The following HTR2A variants were observed in gnomAD, a reference collection of about 807,000 sequenced individuals.
HTR2A encodes 5-HT2 receptor.
Under a neutral mutation model 31.0 loss-of-function variants are expected in HTR2A, and 14 were observed. The observed-to-expected ratio is 0.45, with a 90% confidence interval of 0.30 to 0.71. HTR2A has a LOEUF of 0.71. Ranked by LOEUF, HTR2A falls within the 30% of genes least tolerant of loss-of-function variation. HTR2A has a pLI of 0.09. For missense variants in HTR2A, 442 were observed against 573.3 expected (o/e 0.77, Z 2.34); for synonymous variants, 209 against 225.2 (o/e 0.93, Z 0.64).
intron 3 of HTR2A, among the ~76,000 whole-genome samples, chr13:46,844,902 T>C (rs190330427): frequency 6.6e-6 from 1 of 152,342 alleles, no homozygotes; most frequent in East Asian, 1.9e-4. Context: ...TGAATCATTT[T>C]GTAAAGTTTT....
intron 3 of HTR2A, among the ~76,000 whole-genome samples, chr13:46,844,100 A>G (rs946355564): frequency 2.5e-4 from 38 of 152,186 alleles, no homozygotes; most frequent in Middle Eastern, 3.2e-3. Context: ...CACACTTTCA[A>G]TATCTTAGAA....
chr13:46,861,299 T>C (rs1428897967), intron 3 of HTR2A, among the ~76,000 whole-genome samples: 1 of 152,222 alleles, frequency 6.6e-6, no homozygotes, highest in Non-Finnish European at 1.5e-5. Flanking sequence ...TTACTTTTTT[T>C]TTCCTAAAAA....
At chr13:46,872,198 T>C (rs1177214422) in intron 3 of HTR2A, among the ~76,000 whole-genome samples, 1 of 152,166 alleles carries the variant, frequency 6.6e-6, no homozygotes, top group Non-Finnish European at 1.5e-5. Context: ...GAAATCAGAA[T>C]TGGTTATCAA....
chr13:46,852,100 TGGTTTCTAGAAGCTGGAGG>T (rs1950689141), intron 3 of HTR2A: 1 of 152,172 alleles, frequency 6.6e-6, no homozygotes, highest in Non-Finnish European at 1.5e-5. Flanking sequence ...GGAGTGTAGG[TGGTTTCTAGAAGCTGGAGG>T]GGCCAGTGAC....
intron 3 of HTR2A, among the ~76,000 whole-genome samples, chr13:46,859,683 A>G (rs965378754): frequency 1.3e-5 from 2 of 152,118 alleles, no homozygotes; most frequent in African/African-American, 2.4e-5. Flanking sequence ...CCCTTCTGCC[A>G]TGATTGAAAG....
At chr13:46,877,808 C>G (rs1414671613) in intron 3 of HTR2A, among the ~76,000 whole-genome samples, 1 of 151,914 alleles carries the variant, frequency 6.6e-6, no homozygotes, top group African/African-American at 2.4e-5. Flanking sequence ...GTGAAGGCTT[C>G]CTGGAAGAGG....
intron 3 of HTR2A, among the ~76,000 whole-genome samples, chr13:46,855,516 G>T (rs150849658): frequency 6.8e-6 from 1 of 146,522 alleles, no homozygotes; most frequent in Non-Finnish European, 1.5e-5. Context: ...GCTCTCAACT[G>T]GGGGGGTACA....
Position 46,895,813 on chromosome 13 carries a change from AG to A in HTR2A, c.93del (p.Phe32LeufsTer49). 6.2e-7 allele frequency: 1 copy of A among 1,614,178 alleles called. No homozygotes were observed. Among genetic ancestry groups the A allele is most frequent in the Non-Finnish European group, 8.5e-7 (1 of 1,180,020 alleles). On this transcript the variant is annotated frameshift_variant, in exon 2 of 4. Transcript: ENST00000542664. LOFTEE classifies it high-confidence loss of function. This position sits in a 1 kb window ranked among gnomAD's most constrained non-coding sequence, Gnocchi z 4.4. The part of the protein sequence containing the change: ...LNDDTRLYSN[D>X]FNSGEANTSD... The stretch of plus-strand genomic sequence containing the variant: ...GAAGTGTTAGCTTCTCCGGAGTTAA[AG>A]TCATTACTGTAGAGCCTGGTGTCAT...
chr13:46,887,279 C>T (rs369645262), intron 3 of HTR2A, among the ~76,000 whole-genome samples: 22 of 151,838 alleles, frequency 1.4e-4, no homozygotes, highest in African/African-American at 4.6e-4. Flanking sequence ...AAAATTTAGC[C>T]GGGTGTGGTG....
At chr13:46,880,206 TGAA>T (rs1007623989) in intron 3 of HTR2A, among the ~76,000 whole-genome samples, 2 of 152,110 alleles carry the variant, frequency 1.3e-5, no homozygotes, top group Non-Finnish European at 2.9e-5. Context: ...GTTAGGCCAA[TGAA>T]GGAGTAGGAT....
At chr13:46,870,319 T>C (rs1950854978) in intron 3 of HTR2A, among the ~76,000 whole-genome samples, 1 of 152,110 alleles carries the variant, frequency 6.6e-6, no homozygotes, top group Non-Finnish European at 1.5e-5. Context: ...TGGTCAAGAC[T>C]AGAAACAGAA....
At chr13:46,896,528 G>T (rs1302123224) in intron 1 of HTR2A, 146 bp downstream of exon 1, 5 of 707,654 alleles carry the variant, frequency 7.1e-6, no homozygotes, top group Non-Finnish European at 1.1e-5. Context: ...GCTAATAAAA[G>T]GAAAACAAAA....
At chr13:46,896,565 A>G (rs991748756) in intron 1 of HTR2A, 109 bp downstream of exon 1, 1 of 877,310 alleles carries the variant, frequency 1.1e-6, no homozygotes. Flanking sequence ...TTAGCAGACA[A>G]CTTTCCTCCC....
At chr13:46,843,029 C>T (rs536522549) in intron 3 of HTR2A, among the ~76,000 whole-genome samples, 51 of 152,202 alleles carry the variant, frequency 3.4e-4, no homozygotes, top group African/African-American at 1.2e-3. Flanking sequence ...CTACTCCACC[C>T]CACCTGGGAT....
intron 2 of HTR2A, among the ~76,000 whole-genome samples, chr13:46,893,491 G>A (rs2070040): frequency 0.37 from 56,489 of 152,102 alleles, 11,775 homozygotes; most frequent in Admixed American, 0.45. Context: ...ATCAGTATCA[G>A]CTGGAGAGCT....
In HTR2A at chr13:46,896,927, C is replaced by T. The variant is rs1263701359; in HGVS notation, c.-582G>A. 4 of 981,896 alleles carry T rather than the reference C, an allele frequency of 4.1e-6. No individual in the cohort carries two copies. The highest frequency in any genetic ancestry group is 6.0e-6 in the Non-Finnish European group (4 of 664,202). 60.8% of individuals were successfully genotyped at this position (981,896 alleles called of 1,614,324 possible). ...TCCTCCCTCCCTGTGCGGCTCGCCT[C>T]AGCAGGCACACATTTAGAAATCATT... On this transcript the variant is annotated 5_prime_UTR_variant, in exon 1 of 4. An upstream open reading frame in the 5' UTR loses its in-frame stop. Coordinates refer to ENST00000542664, the MANE Select transcript of HTR2A (RefSeq NM_000621.5).
At chr13:46,868,764 T>C (rs1005116971) in intron 3 of HTR2A, among the ~76,000 whole-genome samples, 6 of 152,182 alleles carry the variant, frequency 3.9e-5, no homozygotes, top group Non-Finnish European at 7.4e-5. Context: ...CTATATTCTA[T>C]ATTCACCAGC....
At chr13:46,842,436 T>A (rs1407428087) in intron 3 of HTR2A, among the ~76,000 whole-genome samples, 2 of 152,176 alleles carry the variant, frequency 1.3e-5, no homozygotes, top group African/African-American at 4.8e-5. Flanking sequence ...GAGACTCTGG[T>A]CTAGAAGGTG....
chr13:46,897,764 C>A (rs1006669562), upstream of HTR2A, among the ~76,000 whole-genome samples: 2 of 152,198 alleles, frequency 1.3e-5, no homozygotes, highest in Admixed American at 6.5e-5. Context: ...TGGACAAATT[C>A]AACCACTCTC....
Sources: gnomAD v4.1 joint callset for allele counts (sites outside exome capture counted in the v4.1 genomes callset) on GRCh38, gnomAD v4.1.1 for gene constraint, Gnocchi (gnomAD v3.1) non-coding constraint, MANE v1.5 for transcripts, NCBI Gene and HGNC (gene_info 2026-07-23, HGNC 2026-07-21) for gene names.